The following CCDC85A variants were observed in gnomAD, a reference collection of about 807,000 sequenced individuals.
CCDC85A encodes coiled-coil domain-containing protein 85A.
CCDC85A carries 38 observed loss-of-function variants against 50.2 expected under a neutral mutation model. The ratio of observed to expected loss-of-function variants is 0.76; its 90% CI spans 0.58 to 0.99. The LOEUF is 0.99. Ranked by LOEUF, CCDC85A falls within the 50% of genes least tolerant of loss-of-function variation. CCDC85A has a pLI of 0.00. For synonymous variants in CCDC85A, 366 were observed against 301.4 expected (o/e 1.21, Z -2.22); for missense variants, 820 against 742.0 (o/e 1.11, Z -1.22).
intron 2 of CCDC85A, among the ~76,000 whole-genome samples, chr2:56,310,409 G>A (rs955219184): frequency 1.3e-5 from 2 of 152,066 alleles, no homozygotes; most frequent in Non-Finnish European, 2.9e-5. Context: ...GCTACCAGAA[G>A]CAACGAGAAA....
intron 3 of CCDC85A, among the ~76,000 whole-genome samples, chr2:56,356,794 G>T (rs1269420682): frequency 6.6e-6 from 1 of 151,636 alleles, no homozygotes; most frequent in Admixed American, 6.6e-5. Flanking sequence ...CCTAGGCCGG[G>T]CACGATGGCT....
At chr2:56,302,087 C>G (rs1672232698) in intron 2 of CCDC85A, among the ~76,000 whole-genome samples, 1 of 151,974 alleles carries the variant, frequency 6.6e-6, no homozygotes, top group African/African-American at 2.4e-5. Context: ...GAAATCCCAT[C>G]TCTACTAAAA....
chr2:56,309,745 A>G (rs763233877), intron 2 of CCDC85A, among the ~76,000 whole-genome samples: 19 of 152,138 alleles, frequency 1.2e-4, no homozygotes, highest in Non-Finnish European at 2.4e-4. Context: ...GACTTTGACT[A>G]TTGTGCTGAG....
rs889611556 is a variant in CCDC85A at position 56,184,694 on chromosome 2, G to C, written c.70G>C (p.Gly24Arg). 5 of 1,523,660 alleles carry C rather than the reference G, an allele frequency of 3.3e-6. No homozygotes were observed. The highest frequency in any genetic ancestry group is 1.2e-5 in the South Asian group (1 of 81,668). 94.4% of individuals were successfully genotyped at this position (1,523,660 alleles called of 1,614,324 possible). The stretch of plus-strand genomic sequence containing the variant: ...GGAAAGTTGTTCCCCAGCCCCGGCC[G>C]GCTCGTCCGCGGCCCCGCCCGCGCC... ...AAESCSPAPA[G>R]SSAAPPAPVE... The change falls in exon 1 of 6, where the codon GGC becomes CGC. Residue 24 changes from glycine (G) to arginine (R), a missense_variant. Transcript: ENST00000407595.
chr2:56,259,361 G>A (rs1266905551), intron 2 of CCDC85A, among the ~76,000 whole-genome samples: 2 of 152,136 alleles, frequency 1.3e-5, no homozygotes, highest in Non-Finnish European at 2.9e-5. Flanking sequence ...TGTGACCAAG[G>A]AGCCAATGGG....
chr2:56,223,094 G>A (rs191415103), intron 2 of CCDC85A, among the ~76,000 whole-genome samples: 1 of 152,124 alleles, frequency 6.6e-6, no homozygotes, highest in African/African-American at 2.4e-5. Flanking sequence ...GTCCACAAAG[G>A]GAATTTCAGA....
chr2:56,352,202 A>G (rs769338137), intron 3 of CCDC85A, among the ~76,000 whole-genome samples: 25 of 152,212 alleles, frequency 1.6e-4, no homozygotes, highest in Non-Finnish European at 2.8e-4. Flanking sequence ...CTTTACATAT[A>G]AAGTAGACAA....
At chr2:56,212,368 G>A (rs567846202) in intron 2 of CCDC85A, among the ~76,000 whole-genome samples, 3 of 152,058 alleles carry the variant, frequency 2.0e-5, no homozygotes, top group Non-Finnish European at 4.4e-5. Context: ...CTTGGTAAAT[G>A]TTTATGGAAT....
At chr2:56,293,360 G>A (rs888609919) in intron 2 of CCDC85A, among the ~76,000 whole-genome samples, 2 of 152,092 alleles carry the variant, frequency 1.3e-5, no homozygotes, top group African/African-American at 2.4e-5. Flanking sequence ...TGTAAAGTCC[G>A]AAACTATAAA....
At chr2:56,283,769 T>C (rs1354326224) in intron 2 of CCDC85A, among the ~76,000 whole-genome samples, 2 of 152,174 alleles carry the variant, frequency 1.3e-5, no homozygotes, top group African/African-American at 4.8e-5. Context: ...TATTATTTTC[T>C]TATTTTGATC....
At chr2:56,321,339 G>A (rs1673174348) in intron 2 of CCDC85A, among the ~76,000 whole-genome samples, 1 of 152,178 alleles carries the variant, frequency 6.6e-6, no homozygotes, top group Non-Finnish European at 1.5e-5. Context: ...TAGGAAAAGA[G>A]AAAGTCAAAT....
chr2:56,244,005 C>A (rs531164258), intron 2 of CCDC85A, among the ~76,000 whole-genome samples: 9 of 152,302 alleles, frequency 5.9e-5, no homozygotes, highest in African/African-American at 1.9e-4. Context: ...GTCTCTCTCT[C>A]TTTCTTTCTT....
At chr2:56,215,134 A>G (rs970656461) in intron 2 of CCDC85A, among the ~76,000 whole-genome samples, 3 of 151,954 alleles carry the variant, frequency 2.0e-5, no homozygotes, top group African/African-American at 4.8e-5. Context: ...TGGTGCTATC[A>G]TAAATGATAC....
chr2:56,323,284 A>C (rs2104269163), intron 2 of CCDC85A, among the ~76,000 whole-genome samples: 1 of 152,266 alleles, frequency 6.6e-6, no homozygotes, highest in South Asian at 2.1e-4. Context: ...TCTAGAACTT[A>C]AAGTAAAATA....
chr2:56,365,488 T>C (rs952107505), intron 3 of CCDC85A, among the ~76,000 whole-genome samples: 2 of 152,110 alleles, frequency 1.3e-5, no homozygotes, highest in African/African-American at 2.4e-5. Context: ...CCTAGGATCA[T>C]CTGGATCTCT....
chr2:56,266,376 C>G (rs893315029), intron 2 of CCDC85A, among the ~76,000 whole-genome samples: 2 of 152,064 alleles, frequency 1.3e-5, no homozygotes, highest in Admixed American at 6.6e-5. Context: ...TTGAATCCAG[C>G]CTGGGCAACA....
At chr2:56,238,542 C>T (rs1315083295) in intron 2 of CCDC85A, among the ~76,000 whole-genome samples, 3 of 151,886 alleles carry the variant, frequency 2.0e-5, no homozygotes, top group African/African-American at 7.3e-5. Context: ...CCTGTGTAGC[C>T]CATATTTTCA....
intron 2 of CCDC85A, among the ~76,000 whole-genome samples, chr2:56,342,126 T>A (rs1167695548): frequency 1.3e-5 from 2 of 152,018 alleles, no homozygotes; most frequent in African/African-American, 4.8e-5. Context: ...GTCTTCAAGA[T>A]GCCTATTATT....
At chr2:56,382,731 AC>A (rs1158837956) in intron 5 of CCDC85A, among the ~76,000 whole-genome samples, 1 of 151,978 alleles carries the variant, frequency 6.6e-6, no homozygotes, top group East Asian at 1.9e-4. Context: ...CCACATAGTT[AC>A]ATCTGGGTTA....
Sources: gnomAD v4.1 joint callset for allele counts (sites outside exome capture counted in the v4.1 genomes callset) on GRCh38, gnomAD v4.1.1 for gene constraint, MANE v1.5 for transcripts, NCBI Gene and HGNC (gene_info 2026-07-23, HGNC 2026-07-21) for gene names.